ADGRL3: variants seen among roughly 807,000 people sequenced by gnomAD.
ADGRL3 encodes adhesion G protein-coupled receptor L3.
In ADGRL3, 62 loss-of-function variants were observed where a neutral mutation model predicts 153.5. That is an observed-to-expected ratio of 0.40 (90% CI 0.33 to 0.50). The LOEUF is 0.50. Among genes scored for constraint, ADGRL3 ranks in the 20% least tolerant of loss-of-function variants. The probability of loss-of-function intolerance (pLI) is 0.47; values close to 1 mark genes in which losing one functional copy is unlikely to be tolerated. For missense variants in ADGRL3, 1,641 were observed against 1,859.4 expected (o/e 0.88, Z 2.16); for synonymous variants, 710 against 672.5 (o/e 1.06, Z -0.86).
chr4:61,695,025 G>T (rs954604494), intron 6 of ADGRL3, among the ~76,000 whole-genome samples: 1 of 152,064 alleles, frequency 6.6e-6, no homozygotes, highest in Non-Finnish European at 1.5e-5. Context: ...TACTTCTCTT[G>T]CTATTTGCAC....
chr4:61,876,713 C>A, intron 9 of ADGRL3, among the ~76,000 whole-genome samples: 1 of 150,470 alleles, frequency 6.6e-6, no homozygotes. Context: ...AAGAAATAAC[C>A]CTAAAACTTA....
intron 8 of ADGRL3, among the ~76,000 whole-genome samples, chr4:61,759,091 T>G (rs916482377): frequency 6.6e-6 from 1 of 152,186 alleles, no homozygotes; most frequent in African/African-American, 2.4e-5. Context: ...AACCCTGCCT[T>G]TCTTTCTGGC....
intron 9 of ADGRL3, among the ~76,000 whole-genome samples, chr4:61,881,946 T>A (rs1182582436): frequency 1.3e-5 from 2 of 152,184 alleles, no homozygotes; most frequent in African/African-American, 2.4e-5. Flanking sequence ...ACGCCCTTGG[T>A]ATGTTTTGTT....
chr4:61,758,425 C>G lies in ADGRL3; in HGVS notation c.1399+24871C>G, dbSNP rs140973041. Among the ~76,000 whole-genome samples, 32 of 152,260 alleles carry G rather than the reference C, an allele frequency of 2.1e-4. No individual in the cohort carries two copies. In the East Asian group the frequency reaches 4.8e-3, roughly 23 times the overall value. On this transcript the variant is annotated intron_variant, in intron 8 of 26. Coordinates refer to ENST00000683033, the MANE Select transcript of ADGRL3 (RefSeq NM_001387552.1). ...CTTCTTGTTGAATTGATCCCTTTAC[C>G]ATTATGTAATGTCTTCCTTTTCTCT...
intron 5 of ADGRL3, among the ~76,000 whole-genome samples, chr4:61,650,893 A>G (rs1003343447): frequency 6.6e-6 from 1 of 152,166 alleles, no homozygotes; most frequent in African/African-American, 2.4e-5. Flanking sequence ...GACAATACTC[A>G]TGTTTATTTT....
chr4:62,031,624 CT>C lies in ADGRL3; in HGVS notation c.3591+21del, dbSNP rs774642760. ...CTACAGAAGAAGGTAAGCTAGAATT[CT>C]TTTTTTAAAATAAAAATGGCATACA... On this transcript the variant is annotated intron_variant, in intron 23 of 26. Coordinates refer to ENST00000683033, the MANE Select transcript of ADGRL3 (RefSeq NM_001387552.1). 6.4e-7 allele frequency: 1 copy of C among 1,571,896 alleles called. No homozygotes were observed. Among genetic ancestry groups the C allele is most frequent in the Non-Finnish European group, 8.7e-7 (1 of 1,152,032 alleles).
intron 2 of ADGRL3, among the ~76,000 whole-genome samples, chr4:61,490,236 A>G (rs1467984203): frequency 1.3e-5 from 2 of 152,084 alleles, no homozygotes; most frequent in African/African-American, 4.8e-5. Flanking sequence ...AAGCTGTGTT[A>G]TCTCCTCGGT....
intron 8 of ADGRL3, among the ~76,000 whole-genome samples, chr4:61,750,905 G>T (rs1025681591): frequency 1.3e-5 from 2 of 152,158 alleles, no homozygotes; most frequent in Non-Finnish European, 2.9e-5. Context: ...ACAGTAACCA[G>T]TGTTGTAGAG....
chr4:61,538,120 C>T lies in ADGRL3; in HGVS notation c.259+20602C>T, dbSNP rs558434895. 7.9e-5 allele frequency among the ~76,000 whole-genome samples: 12 copies of T among 152,062 alleles called. No individual in the cohort carries two copies. The South Asian group carries it at 2.5e-3, about 32-fold the overall frequency. ...TTGCTTCTTATTTTTGAAATGGCTT[C>T]AGTTGGATGGGAAATAAAAAAATAA... On this transcript the variant is annotated intron_variant, in intron 4 of 26. Transcript: ENST00000683033.
intron 24 of ADGRL3, among the ~76,000 whole-genome samples, chr4:62,041,146 C>T (rs1728058177): frequency 6.6e-6 from 1 of 152,016 alleles, no homozygotes; most frequent in East Asian, 1.9e-4. Context: ...ATATAATCTG[C>T]ATGTAGTAAA....
chr4:61,656,599 G>C (rs573455041), intron 5 of ADGRL3, among the ~76,000 whole-genome samples: 13 of 152,248 alleles, frequency 8.5e-5, no homozygotes, highest in African/African-American at 2.9e-4. Flanking sequence ...TGAAAGGCAT[G>C]CAAAAGATTT....
At chr4:61,273,080 G>A (rs1174799207) in intron 1 of ADGRL3, among the ~76,000 whole-genome samples, 2 of 152,142 alleles carry the variant, frequency 1.3e-5, no homozygotes, top group African/African-American at 4.8e-5. Context: ...AGACTGGAAT[G>A]AGTTTTATGT....
At chr4:61,821,140 C>A (rs917203811) in intron 9 of ADGRL3, among the ~76,000 whole-genome samples, 7 of 142,596 alleles carry the variant, frequency 4.9e-5, no homozygotes, top group African/African-American at 1.6e-4. Flanking sequence ...TATAGAAATT[C>A]TTCACAGCAT....
In ADGRL3 at chr4:61,331,809, A is replaced by G. The variant is rs564570523; in HGVS notation, c.-239-51315A>G. On this transcript the variant is annotated intron_variant, in intron 1 of 26. Transcript: ENST00000683033. ...AAAATATATATAATTACATTACGGT[A>G]TAGTCATTTTTCTAATATAAATGCA... Among the ~76,000 whole-genome samples, 23 of 152,158 alleles carry G rather than the reference A, an allele frequency of 1.5e-4. No individual in the cohort carries two copies. The South Asian group carries it at 2.1e-3, about 14-fold the overall frequency.
chr4:61,620,435 CT>C (rs1413224914), intron 5 of ADGRL3, among the ~76,000 whole-genome samples: 1 of 152,066 alleles, frequency 6.6e-6, no homozygotes, highest in Non-Finnish European at 1.5e-5. Context: ...CCAATGATGG[CT>C]TTTCCTGAGG....
At chr4:61,286,744 A>T (rs896985326) in intron 1 of ADGRL3, among the ~76,000 whole-genome samples, 16 of 151,690 alleles carry the variant, frequency 1.1e-4, no homozygotes, top group African/African-American at 3.9e-4. Context: ...TTTTGAAAAA[A>T]CAGTATTTTT....
At chr4:61,906,196 T>C (rs1033875241) in intron 11 of ADGRL3, 3 of 151,762 alleles carry the variant, frequency 2.0e-5, no homozygotes, top group Non-Finnish European at 4.4e-5. Context: ...TTAGCATATA[T>C]ATGTAAATAA....
At chr4:61,684,079 C>T (rs1443452343) in intron 6 of ADGRL3, among the ~76,000 whole-genome samples, 1 of 152,028 alleles carries the variant, frequency 6.6e-6, no homozygotes, top group Non-Finnish European at 1.5e-5. Flanking sequence ...GCAAGAGGTA[C>T]AGAAAATAAA....
intron 4 of ADGRL3, among the ~76,000 whole-genome samples, chr4:61,556,795 A>C (rs2098769249): frequency 6.6e-6 from 1 of 152,178 alleles, no homozygotes; most frequent in African/African-American, 2.4e-5. Flanking sequence ...AGGTTGTGTC[A>C]AGTTCAATGG....
Sources: gnomAD v4.1 joint callset for allele counts (sites outside exome capture counted in the v4.1 genomes callset) on GRCh38, gnomAD v4.1.1 for gene constraint, MANE v1.5 for transcripts, NCBI Gene and HGNC (gene_info 2026-07-23, HGNC 2026-07-21) for gene names.